Variants in ABCA12 observed in about 807,000 individuals in gnomAD.
ABCA12 encodes the protein glucosylceramide transporter ABCA12.
A neutral mutation model predicts 293.5 loss-of-function variants in ABCA12; 156 were observed. That is an observed-to-expected ratio of 0.53 (90% confidence interval 0.47 to 0.61). ABCA12 has a LOEUF of 0.61. Ranked by LOEUF, ABCA12 falls within the 20% of genes least tolerant of loss-of-function variation. The pLI is 0.00. For missense variants in ABCA12, 2,797 were observed against 3,090.2 expected (o/e 0.91, Z 2.25); for synonymous variants, 1,063 against 1,108.0 (o/e 0.96, Z 0.81).
At chr2:214,945,689 G>T (rs1202550400) in intron 48 of ABCA12, among the ~76,000 whole-genome samples, 1 of 152,164 alleles carries the variant, frequency 6.6e-6, no homozygotes, top group Non-Finnish European at 1.5e-5. Context: ...GACAGAAAAT[G>T]TAGCAGTAGA....
chr2:215,002,685 T>C (rs113097725), intron 20 of ABCA12, among the ~76,000 whole-genome samples: 21 of 152,210 alleles, frequency 1.4e-4, no homozygotes, highest in African/African-American at 4.3e-4. Context: ...GAGGGGTAAA[T>C]TGTGGTTGAA....
At chr2:214,972,551 G>T (rs549926522) in intron 36 of ABCA12, among the ~76,000 whole-genome samples, 1 of 152,046 alleles carries the variant, frequency 6.6e-6, no homozygotes, top group African/African-American at 2.4e-5. Flanking sequence ...GGGACTACAC[G>T]TGCACACCAC....
chr2:215,036,983 G>A lies in ABCA12; in HGVS notation c.955C>T (p.Leu319=). 6.2e-7 allele frequency: 1 copy of A among 1,613,900 alleles called. No homozygotes were observed. Among genetic ancestry groups the A allele is most frequent in the Admixed American group, 1.7e-5 (1 of 60,012 alleles). ...GCTGGGGAGTCCAGAGTGTACAGCA[G>A]ATGTTTAACAGACTTCTGGAGGGTT... ...FRTLQKSVKH[L]LYTLDSPAQG... Residue 319 remains leucine (L), a synonymous_variant, in exon 8 of 53, where the codon CTG becomes TTG. Coordinates refer to ENST00000272895, the MANE Select transcript of ABCA12 (RefSeq NM_173076.3).
At chr2:215,034,964 G>T (rs989144558) in intron 8 of ABCA12, among the ~76,000 whole-genome samples, 1 of 152,116 alleles carries the variant, frequency 6.6e-6, no homozygotes, top group Non-Finnish European at 1.5e-5. Flanking sequence ...AAAAACCAAG[G>T]GAGAAAGGAT....
At chr2:215,134,474 GT>G (rs1186638652) in intron 1 of ABCA12, among the ~76,000 whole-genome samples, 1 of 123,744 alleles carries the variant, frequency 8.1e-6, no homozygotes, top group Non-Finnish European at 1.7e-5. Context: ...ATATGTGTAT[GT>G]GTATATATAC....
rs751317447 is a variant in ABCA12 at position 214,953,913 on chromosome 2, C to T, written c.6588G>A (p.Gln2196=). 1.9e-6 allele frequency: 3 copies of T among 1,614,002 alleles called. No individual in the cohort carries two copies. The highest frequency in any genetic ancestry group is 1.7e-6 in the Non-Finnish European group (2 of 1,179,970). ...GTCGCAAGGAAAAAAACATGGTGCC[C>T]TGAGAAACCAAAGCCACAAACATTG... ...LGAMFVALVS[Q]GTMFFSLRLL... The change falls in exon 44 of 53, where the codon CAG becomes CAA. Residue 2196 remains glutamine (Q), a synonymous_variant. Coordinates refer to ENST00000272895, the MANE Select transcript of ABCA12 (RefSeq NM_173076.3).
At chr2:215,096,712 T>C (rs889939581) in intron 2 of ABCA12, among the ~76,000 whole-genome samples, 5 of 152,210 alleles carry the variant, frequency 3.3e-5, no homozygotes, top group African/African-American at 7.2e-5. Context: ...AACTGTGTAA[T>C]TCTTTTTCTT....
intron 13 of ABCA12, 45 bp downstream of exon 13, chr2:215,019,291 A>T (rs772742464): frequency 6.6e-7 from 1 of 1,524,222 alleles, no homozygotes; most frequent in African/African-American, 1.4e-5. Context: ...TGAGAATCAC[A>T]TGCATTCTAA....
At chr2:215,046,884 A>C (rs888228801) in intron 6 of ABCA12, among the ~76,000 whole-genome samples, 1 of 152,172 alleles carries the variant, frequency 6.6e-6, no homozygotes, top group Non-Finnish European at 1.5e-5. Context: ...ATGGAATACT[A>C]TGCAGTCAGA....
At chr2:215,093,418 T>C (rs1194191608) in intron 2 of ABCA12, among the ~76,000 whole-genome samples, 1 of 152,198 alleles carries the variant, frequency 6.6e-6, no homozygotes, top group Admixed American at 6.5e-5. Flanking sequence ...TTTCTGTTCC[T>C]TAAAAACAGC....
chr2:215,022,006 C>T (rs983613762), intron 11 of ABCA12: 3 of 152,048 alleles, frequency 2.0e-5, no homozygotes, highest in African/African-American at 7.2e-5. Context: ...CCACTCTAGT[C>T]TTTCTTTTGA....
rs557875225 is a variant in ABCA12 at position 215,075,234 on chromosome 2, A to G, written c.164-11015T>C. Among the ~76,000 whole-genome samples, 8 of 152,264 alleles carry G rather than the reference A, an allele frequency of 5.3e-5. 1 individual carries two copies. The highest frequency in any genetic ancestry group is 5.2e-4 in the Admixed American group (8 of 15,290). On this transcript the variant is annotated intron_variant, in intron 2 of 52. Transcript: ENST00000272895. ...TCCCTTCGACACTTCTAAAGGGGTC[A>G]TTGCCAATTTGGGCCACCATCATCA...
intron 52 of ABCA12, among the ~76,000 whole-genome samples, chr2:214,933,308 A>G (rs1232250406): frequency 6.6e-6 from 1 of 152,156 alleles, no homozygotes; most frequent in Non-Finnish European, 1.5e-5. Flanking sequence ...GAGAGTCTGT[A>G]TTTTGCCATG....
intron 1 of ABCA12, among the ~76,000 whole-genome samples, chr2:215,113,271 C>T (rs761320604): frequency 8.5e-5 from 13 of 152,172 alleles, no homozygotes; most frequent in African/African-American, 2.7e-4. Flanking sequence ...ACTTCTTAGA[C>T]GTTGGGTATA....
chr2:215,084,217 G>T (rs1447060937), intron 2 of ABCA12, among the ~76,000 whole-genome samples: 2 of 151,958 alleles, frequency 1.3e-5, no homozygotes, highest in Non-Finnish European at 2.9e-5. Flanking sequence ...CAAACTCCTG[G>T]GCTCACGTAG....
At chr2:214,946,198 T>C (rs574664874) in intron 48 of ABCA12, among the ~76,000 whole-genome samples, 4 of 152,150 alleles carry the variant, frequency 2.6e-5, no homozygotes, top group Non-Finnish European at 5.9e-5. Flanking sequence ...TAAATATGTA[T>C]AATTATTATG....
At chr2:214,962,852 A>T (rs1407198315) in intron 39 of ABCA12, 2 of 152,190 alleles carry the variant, frequency 1.3e-5, no homozygotes, top group African/African-American at 4.8e-5. Flanking sequence ...GCAGAAATCA[A>T]GAAGTTCTTT....
chr2:214,967,669 C>T (rs368749711), intron 38 of ABCA12, among the ~76,000 whole-genome samples: 3 of 152,200 alleles, frequency 2.0e-5, no homozygotes, highest in East Asian at 1.9e-4. Flanking sequence ...ATCCCCAGCA[C>T]CACTAATTAC....
At chr2:215,060,912 T>C (rs770101177) in intron 3 of ABCA12, among the ~76,000 whole-genome samples, 1 of 152,040 alleles carries the variant, frequency 6.6e-6, no homozygotes, top group Non-Finnish European at 1.5e-5. Context: ...AGGTCATGAA[T>C]GAGTGTCAAC....
Sources: allele counts gnomAD v4.1 joint callset (sites outside exome capture counted in the v4.1 genomes callset), GRCh38; gene constraint gnomAD v4.1.1; transcripts MANE v1.5; gene names NCBI Gene and HGNC (gene_info 2026-07-23, HGNC 2026-07-21).